The following ANKS1B variants were observed in gnomAD, a reference collection of about 807,000 sequenced individuals.
ANKS1B encodes the protein ankyrin repeat and sterile alpha motif domain containing 1B.
ANKS1B carries 36 observed loss-of-function variants against 148.3 expected under a neutral mutation model. That is an observed-to-expected ratio of 0.24 (90% CI 0.19 to 0.32). ANKS1B has a LOEUF of 0.32. Ranked by LOEUF, ANKS1B falls within the 10% of genes least tolerant of loss-of-function variation. The probability of loss-of-function intolerance (pLI) is 1.00; values close to 1 mark genes in which losing one functional copy is unlikely to be tolerated. For missense variants in ANKS1B, 1,157 were observed against 1,542.6 expected (o/e 0.75, Z 4.19); for synonymous variants, 542 against 560.8 (o/e 0.97, Z 0.47).
chr12:99,680,630 G>T (rs11109992), intron 8 of ANKS1B, among the ~76,000 whole-genome samples: 21,530 of 152,094 alleles, frequency 0.14, 2,194 homozygotes, highest in East Asian at 0.46. Context: ...GGGCAGAATC[G>T]GGGGAGGGGG....
At chr12:99,523,684 C>A (rs1487988976) in intron 9 of ANKS1B, among the ~76,000 whole-genome samples, 1 of 151,386 alleles carries the variant, frequency 6.6e-6, no homozygotes. Context: ...CTCCCAATAG[C>A]TGGGACCACA....
At chr12:99,000,268 C>CTTTTTT (rs905457820) in intron 17 of ANKS1B, among the ~76,000 whole-genome samples, 2 of 125,470 alleles carry the variant, frequency 1.6e-5, no homozygotes, top group Non-Finnish European at 3.3e-5. Flanking sequence ...TTTCTTTTTC[C>CTTTTTT]TTTTTTTTTT....
At chr12:99,103,531 T>C (rs1026390269) in intron 15 of ANKS1B, among the ~76,000 whole-genome samples, 1 of 152,246 alleles carries the variant, frequency 6.6e-6, no homozygotes, top group Non-Finnish European at 1.5e-5. Flanking sequence ...TATACATTTT[T>C]AAATTACTTG....
At chr12:98,953,399 T>C (rs2099856952) in intron 17 of ANKS1B, among the ~76,000 whole-genome samples, 1 of 152,092 alleles carries the variant, frequency 6.6e-6, no homozygotes, top group South Asian at 2.1e-4. Flanking sequence ...GTGATCCTCC[T>C]GTCTTGGCCT....
At chr12:99,383,157 A>C (rs1336795156) in intron 12 of ANKS1B, among the ~76,000 whole-genome samples, 1 of 152,196 alleles carries the variant, frequency 6.6e-6, no homozygotes, top group Non-Finnish European at 1.5e-5. Flanking sequence ...TGAACATGGA[A>C]ACATACAAAT....
At chr12:99,302,837 T>C (rs1202687056) in intron 12 of ANKS1B, among the ~76,000 whole-genome samples, 1 of 152,112 alleles carries the variant, frequency 6.6e-6, no homozygotes, top group African/African-American at 2.4e-5. Flanking sequence ...ATCTAATCAA[T>C]AAAACACATT....
chr12:99,961,232 A>C (rs578229630), intron 1 of ANKS1B, among the ~76,000 whole-genome samples: 142 of 151,018 alleles, frequency 9.4e-4, no homozygotes, highest in Non-Finnish European at 1.6e-3. Flanking sequence ...CCCTCTCAAA[A>C]AAAACAAAAC....
At chr12:99,928,229 T>G (rs942079260) in intron 1 of ANKS1B, among the ~76,000 whole-genome samples, 3 of 151,984 alleles carry the variant, frequency 2.0e-5, no homozygotes, top group Non-Finnish European at 4.4e-5. Flanking sequence ...CAAATTCAAT[T>G]GAATTCAAAG....
chr12:99,242,105 C>G (rs529907343), intron 14 of ANKS1B, among the ~76,000 whole-genome samples: 1 of 152,272 alleles, frequency 6.6e-6, no homozygotes, highest in African/African-American at 2.4e-5. Context: ...GTCAAATTGT[C>G]TCTGTTTGCA....
intron 1 of ANKS1B, among the ~76,000 whole-genome samples, chr12:99,928,770 C>G (rs1261735270): frequency 6.6e-6 from 1 of 152,164 alleles, no homozygotes; most frequent in African/African-American, 2.4e-5. Context: ...AGAACTTAGT[C>G]ACAAAGGGTA....
At chr12:99,237,221 G>A (rs140019707) in intron 14 of ANKS1B, among the ~76,000 whole-genome samples, 1 of 152,216 alleles carries the variant, frequency 6.6e-6, no homozygotes, top group East Asian at 1.9e-4. Context: ...GTGTGTTCCT[G>A]TGTGTTTGTC....
intron 8 of ANKS1B, among the ~76,000 whole-genome samples, chr12:99,708,257 G>A (rs747865859): frequency 6.6e-6 from 1 of 152,072 alleles, no homozygotes; most frequent in Non-Finnish European, 1.5e-5. Flanking sequence ...TTAATGACCC[G>A]ATGTCATGAA....
At chr12:99,894,544 G>C (rs117345780) in intron 1 of ANKS1B, among the ~76,000 whole-genome samples, 41 of 147,418 alleles carry the variant, frequency 2.8e-4, no homozygotes, top group Non-Finnish European at 7.5e-5. Context: ...GGTACAAATC[G>C]TGCTTGATTT....
intron 1 of ANKS1B, among the ~76,000 whole-genome samples, chr12:99,859,158 A>C (rs1023103852): frequency 1.3e-5 from 2 of 152,240 alleles, no homozygotes; most frequent in Non-Finnish European, 1.5e-5. Context: ...GGAGTAGAAC[A>C]CTGAAGTTCC....
rs181532313 is a variant in ANKS1B, at chr12:99,295,668, G to A, written c.1757-48804C>T. On this transcript the variant is annotated intron_variant, in intron 12 of 26. Transcript: ENST00000683438. ...TCAGGTTTGTTATATAGGTATACTT[G>A]CGTCATGGGGGTTTGTTGTACAGAT... Among the ~76,000 whole-genome samples the A allele has an allele frequency of 3.9e-5, 6 of 152,226 alleles. No individual in the cohort carries two copies. In the East Asian group the frequency reaches 1.2e-3, roughly 29 times the overall value.
chr12:99,379,873 T>A (rs914622799), intron 12 of ANKS1B, among the ~76,000 whole-genome samples: 1 of 152,252 alleles, frequency 6.6e-6, no homozygotes, highest in African/African-American at 2.4e-5. Context: ...TATAATTATG[T>A]GTTCTGAAAG....
At chr12:99,657,678 G>A (rs1428431171) in intron 8 of ANKS1B, among the ~76,000 whole-genome samples, 5 of 112,466 alleles carry the variant, frequency 4.4e-5, no homozygotes, top group Admixed American at 9.8e-5. Context: ...TTGTTCACAG[G>A]AATAAATAAA....
intron 1 of ANKS1B, among the ~76,000 whole-genome samples, chr12:99,966,254 T>A (rs1021399787): frequency 6.6e-6 from 1 of 152,202 alleles, no homozygotes; most frequent in South Asian, 2.1e-4. Flanking sequence ...GGTCGAAGAA[T>A]GTCCTTGTCT....
At chr12:98,825,450 C>T (rs1485424464) in intron 19 of ANKS1B, among the ~76,000 whole-genome samples, 8 of 151,840 alleles carry the variant, frequency 5.3e-5, no homozygotes, top group African/African-American at 1.9e-4. Flanking sequence ...TTTTTTAAAT[C>T]TTAGGCAAGA....
Sources: allele counts gnomAD v4.1 joint callset (sites outside exome capture counted in the v4.1 genomes callset), GRCh38; gene constraint gnomAD v4.1.1; transcripts MANE v1.5; gene names NCBI Gene and HGNC (gene_info 2026-07-23, HGNC 2026-07-21).